The following KCNB2 variants were observed in gnomAD, a reference collection of about 807,000 sequenced individuals.
KCNB2 encodes potassium voltage-gated channel subfamily B member 2.
KCNB2 carries 15 observed loss-of-function variants against 61.5 expected under a neutral mutation model. The ratio of observed to expected loss-of-function variants is 0.24; its 90% CI spans 0.16 to 0.38. The LOEUF is 0.38. Among genes scored for constraint, KCNB2 ranks in the 10% least tolerant of loss-of-function variants. The pLI is 1.00. For missense variants in KCNB2, 828 were observed against 1,125.2 expected (o/e 0.74, Z 3.78); for synonymous variants, 457 against 446.0 (o/e 1.02, Z -0.31).
At chr8:72,648,252 G>T (rs1806161942) in intron 2 of KCNB2, among the ~76,000 whole-genome samples, 1 of 152,174 alleles carries the variant, frequency 6.6e-6, no homozygotes, top group Non-Finnish European at 1.5e-5. Context: ...TTTAAGCTGT[G>T]CTTTAGGTCT....
chr8:72,642,757 C>T (rs1806076739), intron 2 of KCNB2, among the ~76,000 whole-genome samples: 2 of 152,162 alleles, frequency 1.3e-5, no homozygotes, highest in South Asian at 4.1e-4. Flanking sequence ...CTCGCTGCTG[C>T]TTCTGCAATC....
At chr8:72,925,230 G>A (rs541056874) in intron 2 of KCNB2, among the ~76,000 whole-genome samples, 117 of 152,298 alleles carry the variant, frequency 7.7e-4, no homozygotes, top group Non-Finnish European at 1.4e-3. Context: ...TGATGAAGCC[G>A]ACTAGGTGTC....
intron 2 of KCNB2, among the ~76,000 whole-genome samples, chr8:72,654,575 C>T (rs1004220813): frequency 2.0e-5 from 3 of 152,130 alleles, no homozygotes; most frequent in Admixed American, 1.3e-4. Context: ...ATCAAATGGC[C>T]GTCTAAACAA....
chr8:72,822,913 G>A (rs1279231330), intron 2 of KCNB2, among the ~76,000 whole-genome samples: 1 of 151,914 alleles, frequency 6.6e-6, no homozygotes, highest in Non-Finnish European at 1.5e-5. Flanking sequence ...TGTCACTGTG[G>A]GATCATTTAT....
chr8:72,875,538 C>CTTTTTTTTTTTTTTT (rs1202722527), intron 2 of KCNB2, among the ~76,000 whole-genome samples: 2 of 7,650 alleles, frequency 2.6e-4, no homozygotes, highest in Admixed American at 1.8e-3. Context: ...CATTGCAAAT[C>CTTTTTTTTTTTTTTT]TTTTTTTTTT....
intron 2 of KCNB2, among the ~76,000 whole-genome samples, chr8:72,686,392 G>A (rs543233999): frequency 3.3e-5 from 5 of 152,136 alleles, no homozygotes; most frequent in African/African-American, 1.2e-4. Context: ...CTGTTGCCCA[G>A]GCTGGAGTGC....
chr8:72,813,343 A>G (rs905742456), intron 2 of KCNB2, among the ~76,000 whole-genome samples: 1 of 151,682 alleles, frequency 6.6e-6, no homozygotes, highest in Admixed American at 6.6e-5. Context: ...TTTTTTTTCA[A>G]TTAGAAACAT....
At chr8:72,817,384 AC>A (rs1809418778) in intron 2 of KCNB2, among the ~76,000 whole-genome samples, 1 of 152,178 alleles carries the variant, frequency 6.6e-6, no homozygotes, top group Admixed American at 6.5e-5. Flanking sequence ...TTCGGATGTC[AC>A]TGTAATCAGA....
intron 2 of KCNB2, among the ~76,000 whole-genome samples, chr8:72,834,531 C>T (rs1363959117): frequency 6.6e-6 from 1 of 152,150 alleles, no homozygotes; most frequent in Non-Finnish European, 1.5e-5. Context: ...AAATCTTTGA[C>T]ATGGAGTGGA....
chr8:72,630,997 C>T, intron 2 of KCNB2, among the ~76,000 whole-genome samples: 1 of 152,120 alleles, frequency 6.6e-6, no homozygotes, highest in Non-Finnish European at 1.5e-5. Flanking sequence ...ACCCTGTATA[C>T]AGTATGTTTT....
chr8:72,612,997 A>G (rs1461232437), intron 2 of KCNB2, among the ~76,000 whole-genome samples: 1 of 152,236 alleles, frequency 6.6e-6, no homozygotes, highest in Non-Finnish European at 1.5e-5. Flanking sequence ...TTTTATTTAC[A>G]TATGTGCCAT....
chr8:72,558,439 T>C (rs1037416785), intron 1 of KCNB2, among the ~76,000 whole-genome samples: 5 of 152,222 alleles, frequency 3.3e-5, no homozygotes, highest in African/African-American at 9.6e-5. Context: ...GAAAGATTAA[T>C]TCTTTCCGGG....
chr8:72,708,669 C>T (rs1311632273), intron 2 of KCNB2, among the ~76,000 whole-genome samples: 1 of 152,178 alleles, frequency 6.6e-6, no homozygotes, highest in Non-Finnish European at 1.5e-5. Flanking sequence ...CTCCATGAGT[C>T]TGCCTGTTCC....
chr8:72,898,088 T>G (rs1726827346), intron 2 of KCNB2, among the ~76,000 whole-genome samples: 1 of 152,192 alleles, frequency 6.6e-6, no homozygotes. Context: ...CTTCAAAGTC[T>G]GTTTTTTAAT....
intron 2 of KCNB2, among the ~76,000 whole-genome samples, chr8:72,874,244 G>T (rs886327428): frequency 6.6e-6 from 1 of 152,038 alleles, no homozygotes; most frequent in African/African-American, 2.4e-5. Context: ...AAAAATCTTA[G>T]CTGTAACTTT....
chr8:72,852,216 C>T (rs1810128392), intron 2 of KCNB2, among the ~76,000 whole-genome samples: 1 of 152,166 alleles, frequency 6.6e-6, no homozygotes, highest in Admixed American at 6.5e-5. Flanking sequence ...GCTGTGATTG[C>T]ATTACTGCAC....
intron 1 of KCNB2, among the ~76,000 whole-genome samples, chr8:72,551,531 C>T (rs140319181): frequency 5.9e-5 from 9 of 152,062 alleles, no homozygotes; most frequent in Non-Finnish European, 1.2e-4. Flanking sequence ...AAGGCCGTCT[C>T]GCATAGTTAC....
chr8:72,670,255 G>C (rs1017883559), intron 2 of KCNB2, among the ~76,000 whole-genome samples: 1 of 152,220 alleles, frequency 6.6e-6, no homozygotes, highest in East Asian at 1.9e-4. Context: ...AGTGGTCACT[G>C]CTTTTAGAGA....
At chr8:72,700,630 GTTGGAGAGAAT>G (rs1807105085) in intron 2 of KCNB2, among the ~76,000 whole-genome samples, 1 of 152,094 alleles carries the variant, frequency 6.6e-6, no homozygotes, top group African/African-American at 2.4e-5. Context: ...CTTATACACT[GTTGGAGAGAAT>G]TTAAATTAGT....
Sources: allele counts gnomAD v4.1 joint callset (sites outside exome capture counted in the v4.1 genomes callset), GRCh38; gene constraint gnomAD v4.1.1; transcripts MANE v1.5; gene names NCBI Gene and HGNC (gene_info 2026-07-23, HGNC 2026-07-21).